The following TJP1 variants were observed in gnomAD, a reference collection of about 807,000 sequenced individuals.
TJP1 encodes tight junction protein 1.
In TJP1, 43 loss-of-function variants were observed where a neutral mutation model predicts 194.2. That is an observed-to-expected ratio of 0.22 (90% confidence interval 0.17 to 0.29). The LOEUF is 0.29. Ranked by LOEUF, TJP1 falls within the 10% of genes least tolerant of loss-of-function variation. The pLI, the probability that TJP1 is intolerant of heterozygous loss-of-function variation, is 1.00. For missense variants in TJP1, 1,971 were observed against 2,185.7 expected, an observed-to-expected ratio of 0.90 and a Z score of 1.96; for synonymous variants, 801 against 779.0, an observed-to-expected ratio of 1.03 and a Z score of -0.47.
intron 2 of TJP1, among the ~76,000 whole-genome samples, chr15:29,774,480 T>C (rs1323047608): frequency 1.3e-5 from 2 of 152,132 alleles, no homozygotes; most frequent in Admixed American, 6.6e-5. Context: ...GAAAACATCA[T>C]GCTAAGGTGA....
chr15:29,949,778 T>A (rs1334307046), intron 2 of TJP1, among the ~76,000 whole-genome samples: 16 of 38,420 alleles, frequency 4.2e-4, no homozygotes, highest in South Asian at 2.1e-3. Flanking sequence ...CTCCACCACC[T>A]CCACCACCAC....
chr15:29,906,745 A>G (rs967576046), intron 2 of TJP1, among the ~76,000 whole-genome samples: 1 of 151,276 alleles, frequency 6.6e-6, no homozygotes. Flanking sequence ...ACACCCAACT[A>G]ATTTTTGTAT....
At chr15:29,745,758 A>T (rs912544435) in intron 8 of TJP1, among the ~76,000 whole-genome samples, 1 of 152,232 alleles carries the variant, frequency 6.6e-6, no homozygotes, top group Non-Finnish European at 1.5e-5. Context: ...TAGAAACAAG[A>T]TGTCCATAAT....
chr15:29,842,616 C>T (rs537629344), intron 2 of TJP1, among the ~76,000 whole-genome samples: 101 of 152,194 alleles, frequency 6.6e-4, no homozygotes, highest in East Asian at 1.5e-3. Flanking sequence ...AGTGGCCCCG[C>T]GCCAGGAATT....
At position 29,817,300 on chromosome 15, in the gene TJP1, C is replaced by G. The variant is rs191280875; in HGVS notation, c.27+4702G>C. Among the ~76,000 whole-genome samples the G allele has an allele frequency of 5.3e-3, 806 of 152,288 alleles. 2 individuals carry two copies. The highest frequency in any genetic ancestry group is 9.6e-3 in the Non-Finnish European group (654 of 68,012). On this transcript the variant is annotated intron_variant, in intron 1 of 27. Transcript: ENST00000614355. The stretch of plus-strand genomic sequence containing the variant: ...CAATGAGATACCATCTTACACCCGT[C>G]AGAATGGTGATTATTAGAAAGTCAG...
chr15:29,793,511 C>T (rs2048225327), intron 2 of TJP1, among the ~76,000 whole-genome samples: 1 of 152,114 alleles, frequency 6.6e-6, no homozygotes, highest in African/African-American at 2.4e-5. Flanking sequence ...GCAGGCTGTA[C>T]AGCAAGCATG....
At chr15:29,791,795 T>A (rs1392866694) in intron 2 of TJP1, among the ~76,000 whole-genome samples, 3 of 152,162 alleles carry the variant, frequency 2.0e-5, no homozygotes, top group African/African-American at 7.2e-5. Flanking sequence ...TTATTGCCTG[T>A]CTTTTTGATA....
intron 5 of TJP1, among the ~76,000 whole-genome samples, chr15:29,765,779 C>T (rs1428286120): frequency 2.0e-5 from 3 of 152,164 alleles, no homozygotes; most frequent in Non-Finnish European, 4.4e-5. Flanking sequence ...GTACTTCCAG[C>T]TACCAGGGAG....
Position 29,761,721 on chromosome 15 carries a change from A to G in TJP1, c.742T>C (p.Leu248=). 6.3e-7 allele frequency: 1 copy of G among 1,598,630 alleles called. No individual in the cohort carries two copies. Among genetic ancestry groups the G allele is most frequent in the Non-Finnish European group, 8.6e-7 (1 of 1,167,768 alleles). Residue 248 remains leucine, a synonymous_variant, in exon 7 of 28, where the codon TTG becomes CTG. Coordinates refer to ENST00000614355, the MANE Select transcript of TJP1 (RefSeq NM_001330239.4). ...ENMSLTDAKT[L]IERSKGKLKM... is the part of the protein sequence containing the mutation. ...AATTTGCCTTTAGACCTTTCTATCA[A>G]TGTCTTTGCATCTGTCAATGACATA...
chr15:29,900,149 G>A (rs2053592630), intron 2 of TJP1, among the ~76,000 whole-genome samples: 1 of 152,174 alleles, frequency 6.6e-6, no homozygotes, highest in South Asian at 2.1e-4. Context: ...GTGAGGAGCT[G>A]CATGGCTGTC....
At chr15:29,820,382 C>T (rs976636491) in intron 1 of TJP1, 2 of 617,184 alleles carry the variant, frequency 3.2e-6, no homozygotes, top group East Asian at 2.7e-5. Context: ...AATACAGCAT[C>T]TTAAAAAAAA....
chr15:29,898,877 TA>T (rs1192407483), intron 2 of TJP1, among the ~76,000 whole-genome samples: 1 of 152,150 alleles, frequency 6.6e-6, no homozygotes, highest in African/African-American at 2.4e-5. Context: ...GAGGAAACAA[TA>T]AAATGCTTAT....
At chr15:29,814,056 T>C (rs1323712124) in intron 1 of TJP1, among the ~76,000 whole-genome samples, 1 of 152,236 alleles carries the variant, frequency 6.6e-6, no homozygotes, top group East Asian at 1.9e-4. Flanking sequence ...GTCTCCCTCC[T>C]ATTGAGATAT....
At chr15:29,933,990 C>T (rs1322723022) in intron 2 of TJP1, among the ~76,000 whole-genome samples, 1 of 152,062 alleles carries the variant, frequency 6.6e-6, no homozygotes, top group Non-Finnish European at 1.5e-5. Flanking sequence ...AATCAAGAAG[C>T]ATCCACACTA....
At position 29,822,278 on chromosome 15, in the gene TJP1, C is replaced by G; in HGVS notation, c.-250G>C. 2 of 1,150,394 alleles carry G rather than the reference C, an allele frequency of 1.7e-6. No homozygotes were observed. Among genetic ancestry groups the G allele is most frequent in the Non-Finnish European group, 2.1e-6 (2 of 935,300 alleles). 71.3% of individuals were successfully genotyped at this position (1,150,394 alleles called of 1,614,324 possible). On this transcript the variant is annotated 5_prime_UTR_variant, in exon 1 of 28. Coordinates refer to ENST00000614355, the MANE Select transcript of TJP1 (RefSeq NM_001330239.4). ...GGCACCTCCCTCCGAGCGCGGCCAC[C>G]CACTCGGCCTCCCGCAGCTTTCGCA...
intron 1 of TJP1, among the ~76,000 whole-genome samples, chr15:29,816,378 G>T (rs932124136): frequency 2.0e-5 from 3 of 152,172 alleles, no homozygotes; most frequent in Non-Finnish European, 2.9e-5. Context: ...ACCTGGGGGG[G>T]AAGAACACCA....
At chr15:29,711,104 A>G in intron 23 of TJP1, 104 bp from the exon 24 acceptor site, 1 of 1,337,888 alleles carries the variant, frequency 7.5e-7, no homozygotes, top group South Asian at 1.7e-5. Context: ...AAAAACTAGA[A>G]ATTTCACAAT....
intron 2 of TJP1, among the ~76,000 whole-genome samples, chr15:29,846,424 T>C (rs888193337): frequency 6.6e-6 from 1 of 152,134 alleles, no homozygotes; most frequent in African/African-American, 2.4e-5. Context: ...GGTTAATAAC[T>C]ACTTCTCTAT....
intron 2 of TJP1, among the ~76,000 whole-genome samples, chr15:29,786,059 A>G (rs1239478831): frequency 6.6e-6 from 1 of 152,232 alleles, no homozygotes; most frequent in Non-Finnish European, 1.5e-5. Context: ...AAGCCCAAAC[A>G]GATTAGAAGT....
Sources: gnomAD v4.1 joint callset for allele counts (sites outside exome capture counted in the v4.1 genomes callset) on GRCh38, gnomAD v4.1.1 for gene constraint, MANE v1.5 for transcripts, NCBI Gene and HGNC (gene_info 2026-07-23, HGNC 2026-07-21) for gene names.